Variants in NDRG3 observed in about 807,000 individuals in gnomAD.
The protein encoded by NDRG3 is NDRG family member 3, also known as protein NDRG3.
In NDRG3, 23 loss-of-function variants were observed where a neutral mutation model predicts 57.2. The ratio of observed to expected loss-of-function variants is 0.40; its 90% CI spans 0.29 to 0.57. The LOEUF (loss-of-function observed/expected upper bound fraction) is 0.57. Among genes scored for constraint, NDRG3 ranks in the 20% least tolerant of loss-of-function variants. The probability of loss-of-function intolerance (pLI) is 0.42; values close to 1 mark genes in which losing one functional copy is unlikely to be tolerated. For synonymous variants in NDRG3, 132 were observed against 162.6 expected (o/e 0.81, Z 1.43); for missense variants, 384 against 457.3 (o/e 0.84, Z 1.46).
chr20:36,691,558 T>C (rs754967266), intron 3 of NDRG3, among the ~76,000 whole-genome samples: 16 of 151,970 alleles, frequency 1.1e-4, no homozygotes, highest in Non-Finnish European at 1.9e-4. Context: ...TACAAAAATA[T>C]AAAAATTAGC....
chr20:36,713,550 G>C (rs1030038056), intron 2 of NDRG3, among the ~76,000 whole-genome samples: 3 of 152,172 alleles, frequency 2.0e-5, no homozygotes, highest in African/African-American at 7.2e-5. Context: ...AGTTTCAAAA[G>C]ACAGAAGCAA....
At chr20:36,734,087 C>T (rs1600973389) in intron 1 of NDRG3, among the ~76,000 whole-genome samples, 1 of 152,220 alleles carries the variant, frequency 6.6e-6, no homozygotes, top group East Asian at 1.9e-4. Context: ...TGCCTGGGCA[C>T]GGTGGCTCAC....
In NDRG3 at chr20:36,655,111, A is replaced by T. The variant is rs547376261; in HGVS notation, c.946+1249T>A. 3.3e-5 allele frequency among the ~76,000 whole-genome samples: 5 copies of T among 152,346 alleles called. No homozygotes were observed. In the South Asian group the frequency reaches 1.0e-3, roughly 32 times the overall value. ...TGGGCTGGAAGATCAGCTATTTCAT[A>T]GGAAAAGGATAAGAATGGACTAGGA... On this transcript the variant is annotated intron_variant, in intron 15 of 15. Coordinates refer to ENST00000349004, the MANE Select transcript of NDRG3 (RefSeq NM_032013.4).
At position 36,723,659 on chromosome 20, in the gene NDRG3, A is replaced by AATATGTGTGTGTGTGT. The variant is rs74173994; in HGVS notation, c.-48-1877_-48-1876insACACACACACACATAT. ...GAAAGCCTTCAAAAGATATTAGTCT[A>AATATGTGTGTGTGTGT]GTGTGTGTGTGTGTGTGTGTGTGTG... is the stretch of plus-strand genomic sequence containing the variant. On this transcript the variant is annotated intron_variant, in intron 1 of 15. Coordinates refer to ENST00000349004, the MANE Select transcript of NDRG3 (RefSeq NM_032013.4). Among the ~76,000 whole-genome samples the AATATGTGTGTGTGTGT allele has an allele frequency of 2.5e-3, 333 of 132,936 alleles. 2 individuals are homozygous for AATATGTGTGTGTGTGT. Among genetic ancestry groups the AATATGTGTGTGTGTGT allele is most frequent in the African/African-American group, 8.7e-3 (309 of 35,318 alleles). The allele number at this position is 132,936 out of a possible 152,430, so 87.2% of individuals were successfully genotyped here. A position where few individuals can be genotyped will look rare whatever the true frequency, so the allele number is the denominator to read the frequency against.
chr20:36,727,595 T>C (rs1421670556), intron 1 of NDRG3, among the ~76,000 whole-genome samples: 2 of 149,134 alleles, frequency 1.3e-5, no homozygotes, highest in East Asian at 4.0e-4. Context: ...CAGGCTGGAG[T>C]GCAGTGGCAC....
At chr20:36,656,628 C>T in intron 13 of NDRG3, 96 bp from the exon 14 acceptor site, 4 of 1,381,260 alleles carry the variant, frequency 2.9e-6, no homozygotes, top group Non-Finnish European at 4.1e-6. Context: ...AGATTGAATT[C>T]TAGGTTTTAA....
intron 8 of NDRG3, among the ~76,000 whole-genome samples, chr20:36,673,318 G>T (rs1480455800): frequency 6.6e-6 from 1 of 152,130 alleles, no homozygotes; most frequent in African/African-American, 2.4e-5. Context: ...GTTTGCTGAT[G>T]ACTAGAATAT....
chr20:36,661,518 G>A lies in NDRG3; in HGVS notation c.811-1134C>T, dbSNP rs533365433. On this transcript the variant is annotated intron_variant, in intron 12 of 15. Transcript: ENST00000349004. ...ACTGCAAACACTTCACAACTGAGCT[G>A]AGTGAACACAGAAAGGAGTGGGATT... 2.0e-5 allele frequency among the ~76,000 whole-genome samples: 3 copies of A among 152,334 alleles called. No homozygotes were observed. The South Asian group carries it at 6.2e-4, about 32-fold the overall frequency.
chr20:36,667,745 TCAC>T (rs1979756609), intron 9 of NDRG3, among the ~76,000 whole-genome samples: 1 of 152,146 alleles, frequency 6.6e-6, no homozygotes, highest in Non-Finnish European at 1.5e-5. Context: ...TGTGTAAAGT[TCAC>T]CACCAAGACT....
intron 8 of NDRG3, among the ~76,000 whole-genome samples, chr20:36,677,011 G>T (rs1397436671): frequency 6.6e-6 from 1 of 152,236 alleles, no homozygotes; most frequent in Non-Finnish European, 1.5e-5. Flanking sequence ...GCTCTTGGGG[G>T]AACTGGGAAC....
At chr20:36,733,171 A>AAAAAT (rs1555807709) in intron 1 of NDRG3, among the ~76,000 whole-genome samples, 55 of 33,144 alleles carry the variant, frequency 1.7e-3, no homozygotes, top group African/African-American at 2.0e-3. Flanking sequence ...AAAAAAAAAA[A>AAAAAT]ATATATATAT....
intron 1 of NDRG3, among the ~76,000 whole-genome samples, chr20:36,743,872 G>A (rs962766395): frequency 6.7e-6 from 1 of 149,678 alleles, no homozygotes; most frequent in Non-Finnish European, 1.5e-5. Flanking sequence ...CAGCTCAATC[G>A]TGAGTGCACG....
intron 15 of NDRG3, 106 bp downstream of exon 15, chr20:36,656,254 C>A: frequency 9.3e-7 from 1 of 1,078,132 alleles, no homozygotes; most frequent in South Asian, 1.5e-5. Context: ...TTGCTTAAGG[C>A]TAGCTGCCAC....
intron 2 of NDRG3, among the ~76,000 whole-genome samples, chr20:36,708,508 C>T (rs1192145978): frequency 6.6e-6 from 1 of 151,364 alleles, no homozygotes; most frequent in Non-Finnish European, 1.5e-5. Flanking sequence ...AAAAATTAGC[C>T]GGGCATGGAG....
At chr20:36,738,502 CA>C (rs950454850) in intron 1 of NDRG3, among the ~76,000 whole-genome samples, 70 of 129,562 alleles carry the variant, frequency 5.4e-4, no homozygotes, top group Admixed American at 4.7e-4. Context: ...AACTCCTTTG[CA>C]AAAAAAAAAA....
intron 2 of NDRG3, among the ~76,000 whole-genome samples, chr20:36,712,559 C>CTATATATATA (rs1201319236): frequency 1.7e-3 from 36 of 20,740 alleles, no homozygotes; most frequent in Admixed American, 5.4e-3. Context: ...CCATGCCCGG[C>CTATATATATA]TATATATATA....
intron 3 of NDRG3, 73 bp downstream of exon 3, chr20:36,706,899 G>T: frequency 7.6e-7 from 1 of 1,307,328 alleles, no homozygotes; most frequent in South Asian, 1.3e-5. Context: ...ACTTCTACAA[G>T]ACCACCACCA....
chr20:36,683,669 T>C lies in NDRG3; in HGVS notation c.383+744A>G, dbSNP rs1417775363. On this transcript the variant is annotated intron_variant, in intron 6 of 15. Coordinates refer to ENST00000349004, the MANE Select transcript of NDRG3 (RefSeq NM_032013.4). ...ATGTATATATATGTATATATACATA[T>C]ATATATACACACACATATATGTACA... is the stretch of plus-strand genomic sequence containing the variant. 2.0e-5 allele frequency among the ~76,000 whole-genome samples: 3 copies of C among 148,630 alleles called. No homozygotes were observed. The Admixed American group carries it at 2.0e-4, about 10-fold the overall frequency.
intron 2 of NDRG3, among the ~76,000 whole-genome samples, chr20:36,708,408 G>A (rs2148171636): frequency 6.6e-6 from 1 of 152,132 alleles, no homozygotes; most frequent in African/African-American, 2.4e-5. Flanking sequence ...CTAGCACTTT[G>A]GGAGGCTGAG....
Sources: gnomAD v4.1 joint callset for allele counts (sites outside exome capture counted in the v4.1 genomes callset) on GRCh38, gnomAD v4.1.1 for gene constraint, MANE v1.5 for transcripts, NCBI Gene and HGNC (gene_info 2026-07-23, HGNC 2026-07-21) for gene names.